The following RIMS1 variants were observed in gnomAD, a reference collection of about 807,000 sequenced individuals.
The protein encoded by RIMS1 is regulating synaptic membrane exocytosis protein 1.
RIMS1 carries 83 observed loss-of-function variants against 214.1 expected under a neutral mutation model. The ratio of observed to expected loss-of-function variants is 0.39; its 90% confidence interval spans 0.32 to 0.47. The LOEUF is 0.47. Among genes scored for constraint, RIMS1 ranks in the 20% least tolerant of loss-of-function variants. The pLI is 0.99. For synonymous variants in RIMS1, 793 were observed against 786.8 expected, an observed-to-expected ratio of 1.01 and a Z score of -0.13; for missense variants, 2,050 against 2,161.8, an observed-to-expected ratio of 0.95 and a Z score of 1.03.
chr6:72,130,404 T>G (rs2040255057), intron 4 of RIMS1, among the ~76,000 whole-genome samples: 1 of 152,152 alleles, frequency 6.6e-6, no homozygotes, highest in Admixed American at 6.6e-5. Flanking sequence ...GGTCAAAATT[T>G]AACAGTGCTA....
intron 1 of RIMS1, among the ~76,000 whole-genome samples, chr6:71,911,046 T>C (rs539846134): frequency 1.3e-5 from 2 of 152,266 alleles, no homozygotes; most frequent in African/African-American, 4.8e-5. Flanking sequence ...TAGAACAGTA[T>C]AGAAGGTGCC....
At chr6:72,017,267 G>A (rs1429355332) in intron 2 of RIMS1, among the ~76,000 whole-genome samples, 1 of 152,112 alleles carries the variant, frequency 6.6e-6, no homozygotes, top group Non-Finnish European at 1.5e-5. Flanking sequence ...TTTAATGGGA[G>A]CACATTAAGG....
chr6:72,316,423 C>A (rs2095801060), intron 28 of RIMS1, among the ~76,000 whole-genome samples: 2 of 152,188 alleles, frequency 1.3e-5, no homozygotes, highest in African/African-American at 4.8e-5. Flanking sequence ...GGGTCATGCC[C>A]AGCTGGCCAC....
chr6:72,259,452 T>C lies in RIMS1; in HGVS notation c.3053+341T>C, dbSNP rs557771134. Among the ~76,000 whole-genome samples the C allele has an allele frequency of 5.9e-5, 9 of 152,236 alleles. No individual in the cohort carries two copies. In the South Asian group the frequency reaches 1.9e-3, roughly 32 times the overall value. On this transcript the variant is annotated intron_variant, in intron 18 of 33. Coordinates refer to ENST00000521978, the MANE Select transcript of RIMS1 (RefSeq NM_014989.7). ...TTTTATTTATTGTGGGTCACAATAT[T>C]TGAGGTATGAAGTAATCATAAAAAT...
intron 2 of RIMS1, among the ~76,000 whole-genome samples, chr6:72,068,661 T>C (rs1256166162): frequency 6.6e-6 from 1 of 152,070 alleles, no homozygotes; most frequent in Non-Finnish European, 1.5e-5. Flanking sequence ...TGGTGGCTCA[T>C]GCCTGTAAGC....
chr6:72,118,350 A>G (rs540413728), intron 4 of RIMS1, among the ~76,000 whole-genome samples: 2 of 151,504 alleles, frequency 1.3e-5, no homozygotes, highest in African/African-American at 4.8e-5. Flanking sequence ...ATTGCCAGTA[A>G]GTAAAAGTCC....
At chr6:71,987,812 A>G (rs1014809236) in intron 2 of RIMS1, among the ~76,000 whole-genome samples, 4 of 152,176 alleles carry the variant, frequency 2.6e-5, no homozygotes, top group African/African-American at 9.7e-5. Flanking sequence ...AAGAGAAGAA[A>G]GGGCTGGGAA....
In RIMS1 at chr6:72,147,275, A is replaced by G. The variant is rs2042884015; in HGVS notation, c.472-32300A>G. Reference sequence around the variant, plus strand: ...TAGAGCTCTTCTAAATAAACATCACATACATAACACATATATAACTACACA... The same window carrying G: ...TAGAGCTCTTCTAAATAAACATCACGTACATAACACATATATAACTACACA... On this transcript the variant is annotated intron_variant, in intron 4 of 33. Transcript: ENST00000521978. Among the ~76,000 whole-genome samples the G allele has an allele frequency of 2.6e-5, 4 of 152,222 alleles. No individual in the cohort carries two copies. In the South Asian group the frequency reaches 8.3e-4, roughly 31 times the overall value.
Position 72,232,356 on chromosome 6 carries a change from A to G in RIMS1, c.1679-1417A>G, listed in dbSNP as rs76234494. Among the ~76,000 whole-genome samples the G allele has an allele frequency of 1.2e-3, 188 of 151,804 alleles. 1 individual carries two copies. Among genetic ancestry groups the G allele is most frequent in the Non-Finnish European group, 2.2e-3 (148 of 67,680 alleles). ...TTCTTTCAGAACAAGCTGTCATAAT[A>G]CTAAAGAGAGAGCTACTTTAAGAAT... On this transcript the variant is annotated intron_variant, in intron 6 of 33. Coordinates refer to ENST00000521978, the MANE Select transcript of RIMS1 (RefSeq NM_014989.7).
intron 1 of RIMS1, among the ~76,000 whole-genome samples, chr6:71,934,699 A>G (rs1220931653): frequency 1.3e-5 from 2 of 152,178 alleles, no homozygotes; most frequent in Admixed American, 1.3e-4. Flanking sequence ...TTGAAGAGGA[A>G]AAAAGGTTAA....
chr6:72,379,811 A>G (rs1275137135), intron 29 of RIMS1, among the ~76,000 whole-genome samples: 1 of 152,196 alleles, frequency 6.6e-6, no homozygotes, highest in Non-Finnish European at 1.5e-5. Context: ...TAAGTGGTAG[A>G]GCTGGTACTT....
In RIMS1 at chr6:71,931,686, T is replaced by C. The variant is rs563184952; in HGVS notation, c.165-37297T>C. 2.0e-5 allele frequency among the ~76,000 whole-genome samples: 3 copies of C among 152,232 alleles called. No individual in the cohort carries two copies. The East Asian group carries it at 5.8e-4, about 29-fold the overall frequency. On this transcript the variant is annotated intron_variant, in intron 1 of 33. Transcript: ENST00000521978. ...CATAGTTTGCAGAAATTTTCTCCCA[T>C]TCTGTAGTTTGTCTGTTTACTCTAT...
chr6:72,166,442 T>G (rs572882749), intron 4 of RIMS1, among the ~76,000 whole-genome samples: 1 of 152,206 alleles, frequency 6.6e-6, no homozygotes, highest in Non-Finnish European at 1.5e-5. Flanking sequence ...ATACAAATTT[T>G]GTAGGGATAC....
intron 2 of RIMS1, among the ~76,000 whole-genome samples, chr6:72,065,704 C>T (rs1474456678): frequency 6.6e-6 from 1 of 151,904 alleles, no homozygotes; most frequent in Non-Finnish European, 1.5e-5. Flanking sequence ...TTATCATGTC[C>T]ATTTTACAGG....
Position 72,182,302 on chromosome 6 carries a change from T to G in RIMS1, c.831T>G (p.Leu277=). Reference sequence around the variant, plus strand: ...ATCATAGAAAGAAGACCCCAGGGCTTTCCGAGCAGAATGGCAAAGGAGCCC... The same window carrying G: ...ATCATAGAAAGAAGACCCCAGGGCTGTCCGAGCAGAATGGCAAAGGAGCCC... ...PPRERKKTPG[L]SEQNGKGALK... Residue 277 remains leucine, a synonymous_variant, in exon 6 of 34, where the codon CTT becomes CTG. Transcript: ENST00000521978. 4 of 1,597,644 alleles carry G rather than the reference T, an allele frequency of 2.5e-6. No homozygotes were observed. Among genetic ancestry groups the G allele is most frequent in the Non-Finnish European group, 3.4e-6 (4 of 1,172,910 alleles).
At chr6:72,296,400 C>T (rs368725651) in intron 26 of RIMS1, among the ~76,000 whole-genome samples, 1 of 151,880 alleles carries the variant, frequency 6.6e-6, no homozygotes, top group South Asian at 2.1e-4. Context: ...AGTGAATGTT[C>T]TGGCCCTGGC....
At chr6:72,106,729 G>A (rs1278915970) in intron 4 of RIMS1, among the ~76,000 whole-genome samples, 8 of 152,098 alleles carry the variant, frequency 5.3e-5, no homozygotes, top group Non-Finnish European at 7.4e-5. Context: ...GTTAAATTAC[G>A]TGTCAGACTA....
chr6:72,175,572 C>T (rs2047590262), intron 4 of RIMS1, among the ~76,000 whole-genome samples: 1 of 151,902 alleles, frequency 6.6e-6, no homozygotes, highest in Non-Finnish European at 1.5e-5. Flanking sequence ...ACTCGGGAGG[C>T]TGGGGCAGGA....
At chr6:72,010,867 T>A (rs934166196) in intron 2 of RIMS1, among the ~76,000 whole-genome samples, 13 of 152,164 alleles carry the variant, frequency 8.5e-5, no homozygotes, top group African/African-American at 9.7e-5. Flanking sequence ...TATTCATGGG[T>A]AGGAAGAATC....
Sources: gnomAD v4.1 joint callset for allele counts (sites outside exome capture counted in the v4.1 genomes callset) on GRCh38, gnomAD v4.1.1 for gene constraint, MANE v1.5 for transcripts, NCBI Gene and HGNC (gene_info 2026-07-23, HGNC 2026-07-21) for gene names.